The following NBAS variants were observed in gnomAD, a reference collection of about 807,000 sequenced individuals.
NBAS encodes NBAS subunit of NRZ tethering complex, also known as NAG/BC035112 fusion.
A neutral mutation model predicts 302.5 loss-of-function variants in NBAS; 219 were observed. That is an observed-to-expected ratio of 0.72 (90% confidence interval 0.65 to 0.81). The LOEUF is 0.81. Among genes scored for constraint, NBAS ranks in the 30% least tolerant of loss-of-function variants. The probability of loss-of-function intolerance (pLI) is 0.00; values close to 1 mark genes in which losing one functional copy is unlikely to be tolerated. For missense variants in NBAS, 2,932 were observed against 2,841.6 expected (o/e 1.03, Z -0.72); for synonymous variants, 1,118 against 1,021.6 (o/e 1.09, Z -1.80).
At chr2:14,884,161 G>C in the NBAS span, among the ~76,000 whole-genome samples, 17 of 152,204 alleles carry the variant, frequency 1.1e-4, no homozygotes, top group African/African-American at 4.1e-4. Context: ...TCCTTCTCAT[G>C]ATGGCAAGCT....
intron 12 of NBAS, among the ~76,000 whole-genome samples, chr2:15,480,166 C>T (rs1680368176): frequency 6.6e-6 from 1 of 151,928 alleles, no homozygotes; most frequent in African/African-American, 2.4e-5. Context: ...ATAGCAAGAC[C>T]TCATCTCCCC....
intron 9 of NBAS, among the ~76,000 whole-genome samples, chr2:15,521,673 T>G (rs980666479): frequency 1.3e-5 from 2 of 152,182 alleles, no homozygotes; most frequent in African/African-American, 4.8e-5. Context: ...CTGAGACTAA[T>G]GATACAGTTC....
chr2:15,035,156 G>A, the NBAS span, among the ~76,000 whole-genome samples: 2 of 146,246 alleles, frequency 1.4e-5, no homozygotes, highest in African/African-American at 5.1e-5. Context: ...TACAAACAAT[G>A]CTGCAGTGAA....
chr2:14,791,996 G>C, the NBAS span, among the ~76,000 whole-genome samples: 1 of 151,870 alleles, frequency 6.6e-6, no homozygotes, highest in Non-Finnish European at 1.5e-5. Flanking sequence ...GGGTGATCAG[G>C]TCAGGACATC....
At chr2:15,306,368 T>C (rs1007880896) in intron 40 of NBAS, among the ~76,000 whole-genome samples, 3 of 152,216 alleles carry the variant, frequency 2.0e-5, no homozygotes, top group Non-Finnish European at 2.9e-5. Context: ...CTGTTTCTTG[T>C]CCAAATGCTG....
At chr2:15,394,634 C>T (rs781256679) in intron 27 of NBAS, among the ~76,000 whole-genome samples, 3 of 152,066 alleles carry the variant, frequency 2.0e-5, no homozygotes, top group Middle Eastern at 3.2e-3. Flanking sequence ...TTTGCTACAG[C>T]ACCTGTCAGT....
chr2:15,119,775 T>G, the NBAS span, among the ~76,000 whole-genome samples: 6 of 152,194 alleles, frequency 3.9e-5, no homozygotes, highest in Non-Finnish European at 8.8e-5. Flanking sequence ...TGAGAATTGC[T>G]GACAGCTGCA....
intron 35 of NBAS, among the ~76,000 whole-genome samples, chr2:15,338,271 T>C (rs1352784532): frequency 6.6e-6 from 1 of 152,152 alleles, no homozygotes; most frequent in Non-Finnish European, 1.5e-5. Context: ...TGTTGGCACA[T>C]ATAAACTAGG....
At chr2:15,383,548 A>G (rs1675147019) in intron 28 of NBAS, among the ~76,000 whole-genome samples, 1 of 152,188 alleles carries the variant, frequency 6.6e-6, no homozygotes, top group African/African-American at 2.4e-5. Context: ...GATGGTGACA[A>G]AGTGGTCTGT....
the NBAS span, among the ~76,000 whole-genome samples, chr2:14,850,381 A>G: frequency 9.7e-6 from 1 of 102,744 alleles, no homozygotes; most frequent in East Asian, 2.2e-4. Context: ...GGAGCTAACT[A>G]TCCTAAATAT....
intron 11 of NBAS, among the ~76,000 whole-genome samples, chr2:15,494,649 A>G (rs1292336304): frequency 6.6e-6 from 1 of 152,008 alleles, no homozygotes; most frequent in Non-Finnish European, 1.5e-5. Flanking sequence ...GAGTATAGAA[A>G]CTCCATCCAC....
At chr2:15,523,194 G>A (rs1057268655) in intron 9 of NBAS, among the ~76,000 whole-genome samples, 4 of 152,056 alleles carry the variant, frequency 2.6e-5, no homozygotes, top group East Asian at 3.9e-4. Flanking sequence ...TAAACACAAT[G>A]AAAAATACAT....
In NBAS at chr2:15,206,684, C is replaced by T. The variant is rs115910298; in HGVS notation, c.6432+12089G>A. 8.6e-3 allele frequency among the ~76,000 whole-genome samples: 1,304 copies of T among 152,336 alleles called. 22 individuals are homozygous for T. The highest frequency in any genetic ancestry group is 0.027 in the African/African-American group (1,123 of 41,580). ...TGCATTCCAGCCACTCAGGCTCCAGCTGTGGCTAAAAGGGGCAAACACAGA... is the reference window on the plus strand; with the variant it reads ...TGCATTCCAGCCACTCAGGCTCCAGTTGTGGCTAAAAGGGGCAAACACAGA... On this transcript the variant is annotated intron_variant, in intron 48 of 51. Transcript: ENST00000281513.
chr2:15,453,565 A>G lies in NBAS; in HGVS notation c.2339+7636T>C, dbSNP rs77995115. Among the ~76,000 whole-genome samples, 1,013 of 152,346 alleles carry G rather than the reference A, an allele frequency of 6.6e-3. 10 individuals carry two copies. Among genetic ancestry groups the G allele is most frequent in the African/African-American group, 0.022 (923 of 41,578 alleles). On this transcript the variant is annotated intron_variant, in intron 21 of 51. Coordinates refer to ENST00000281513, the MANE Select transcript of NBAS (RefSeq NM_015909.4). ...ATTACTGTGAAACCAAAGGTCAAGA[A>G]TAATTAGAAGACAACAGATAATCCA...
At chr2:15,022,347 G>A in the NBAS span, among the ~76,000 whole-genome samples, 28 of 152,158 alleles carry the variant, frequency 1.8e-4, no homozygotes, top group Middle Eastern at 6.8e-3. Context: ...TATCTAAGAC[G>A]GTGATGTTGA....
chr2:15,056,359 G>C, the NBAS span, among the ~76,000 whole-genome samples: 1 of 152,190 alleles, frequency 6.6e-6, no homozygotes, highest in African/African-American at 2.4e-5. Flanking sequence ...ATTTGGGTAT[G>C]ATGGGGTATC....
chr2:15,041,451 G>C, the NBAS span, among the ~76,000 whole-genome samples: 1 of 152,256 alleles, frequency 6.6e-6, no homozygotes, highest in Non-Finnish European at 1.5e-5. Context: ...CAGGGTGGGA[G>C]TGCCTGAAGG....
At chr2:15,347,747 G>A (rs552057267) in intron 35 of NBAS, among the ~76,000 whole-genome samples, 1 of 152,130 alleles carries the variant, frequency 6.6e-6, no homozygotes, top group Non-Finnish European at 1.5e-5. Context: ...ACTCTAAGTG[G>A]TAGAATACTG....
At chr2:15,538,207 T>C (rs1390502509) in intron 7 of NBAS, among the ~76,000 whole-genome samples, 1 of 152,228 alleles carries the variant, frequency 6.6e-6, no homozygotes, top group Non-Finnish European at 1.5e-5. Flanking sequence ...CCTGTAGTTA[T>C]TGTATATGTG....
Sources: gnomAD v4.1 joint callset for allele counts (sites outside exome capture counted in the v4.1 genomes callset) on GRCh38, gnomAD v4.1.1 for gene constraint, MANE v1.5 for transcripts, NCBI Gene and HGNC (gene_info 2026-07-23, HGNC 2026-07-21) for gene names.